LYZL6: variants seen among roughly 807,000 people sequenced by gnomAD.
LYZL6 encodes lysozyme-like protein 6.
In LYZL6, 21 loss-of-function variants were observed where a neutral mutation model predicts 15.0. That is an observed-to-expected ratio of 1.40 (90% CI 1.00 to 2.02). The LOEUF (loss-of-function observed/expected upper bound fraction) is 2.02, where lower values mean the gene tolerates loss of function less well. LYZL6 is among the 30% of genes most tolerant of loss of function. The pLI, the probability that LYZL6 is intolerant of heterozygous loss-of-function variation, is 0.00. For synonymous variants in LYZL6, 72 were observed against 67.8 expected (o/e 1.06, Z -0.31); for missense variants, 173 against 180.5 (o/e 0.96, Z 0.24).
intron 4 of LYZL6, among the ~76,000 whole-genome samples, chr17:35,935,901 C>T (rs1408574545): frequency 6.6e-6 from 1 of 151,128 alleles, no homozygotes; most frequent in Non-Finnish European, 1.5e-5. Context: ...GCAGCCTCCA[C>T]CTCCCAGGTT....
At chr17:35,937,203 G>A (rs867088662) in intron 3 of LYZL6, among the ~76,000 whole-genome samples, 1 of 152,196 alleles carries the variant, frequency 6.6e-6, no homozygotes, top group Non-Finnish European at 1.5e-5. Flanking sequence ...GAGGGACATC[G>A]GTCAGTGTGC....
intron 3 of LYZL6, 133 bp from the exon 4 acceptor site, chr17:35,936,966 G>A (rs1250543830): frequency 4.1e-6 from 3 of 729,818 alleles, no homozygotes; most frequent in Non-Finnish European, 7.0e-6. Context: ...TCTCCCAGGG[G>A]GCCCATTTAG....
At chr17:35,934,947 A>G in intron 4 of LYZL6, 82 bp from the exon 5 acceptor site, 1 of 1,323,944 alleles carries the variant, frequency 7.6e-7, no homozygotes, top group Non-Finnish European at 1.1e-6. Context: ...TGAGTCTCGC[A>G]TATGGAGCAA....
chr17:35,943,445 T>C (rs1038367616), intron 1 of LYZL6, 122 bp downstream of exon 1: 1 of 152,210 alleles, frequency 6.6e-6, no homozygotes, highest in East Asian at 1.9e-4. Flanking sequence ...CCCTCAGAGA[T>C]AGATGTCACT....
At position 35,936,735 on chromosome 17, in the gene LYZL6, T is replaced by C; in HGVS notation, c.377+20A>G. ...CCTTCGTGGGGCTCTGCCCGCTGAGTCCCACCGTGTCCTCCTCACCAGTTG... is the reference window on the plus strand; with the variant it reads ...CCTTCGTGGGGCTCTGCCCGCTGAGCCCCACCGTGTCCTCCTCACCAGTTG... On this transcript the variant is annotated intron_variant, in intron 4 of 4. Coordinates refer to ENST00000615905, the MANE Select transcript of LYZL6 (RefSeq NM_020426.4). The C allele has an allele frequency of 6.2e-7, 1 of 1,607,764 alleles. No individual in the cohort carries two copies. The highest frequency in any genetic ancestry group is 1.1e-5 in the South Asian group (1 of 90,964).
At chr17:35,936,906 C>T in intron 3 of LYZL6, 73 bp from the exon 4 acceptor site, 1 of 1,316,400 alleles carries the variant, frequency 7.6e-7, no homozygotes, top group Non-Finnish European at 1.1e-6. Flanking sequence ...CACCAGCCCT[C>T]CCTGGACAGC....
At chr17:35,942,003 A>G (rs1406899859) in intron 1 of LYZL6, among the ~76,000 whole-genome samples, 2 of 152,242 alleles carry the variant, frequency 1.3e-5, no homozygotes, top group African/African-American at 4.8e-5. Flanking sequence ...ACAGAGGGAC[A>G]TTGTGTGCCT....
chr17:35,938,890 C>T (rs1407512536), intron 2 of LYZL6, among the ~76,000 whole-genome samples: 1 of 152,172 alleles, frequency 6.6e-6, no homozygotes, highest in Admixed American at 6.5e-5. Context: ...ACCATTGCTC[C>T]CCCTGCTTTA....
At chr17:35,942,470 T>C (rs1415108745) in intron 1 of LYZL6, among the ~76,000 whole-genome samples, 1 of 152,168 alleles carries the variant, frequency 6.6e-6, no homozygotes, top group Non-Finnish European at 1.5e-5. Context: ...ACAAGATGGC[T>C]ACCCTGGTGG....
intron 1 of LYZL6, among the ~76,000 whole-genome samples, chr17:35,940,298 T>G (rs959046077): frequency 5.3e-5 from 8 of 152,248 alleles, no homozygotes; most frequent in Non-Finnish European, 1.0e-4. Flanking sequence ...TGGTTCACAT[T>G]CCACACAAAA....
At chr17:35,939,192 G>T (rs2089403649) in intron 2 of LYZL6, 26 bp downstream of exon 2, 1 of 1,605,910 alleles carries the variant, frequency 6.2e-7, no homozygotes, top group Non-Finnish European at 8.5e-7. Flanking sequence ...AGGAGAAATG[G>T]CTGGGGAGGG....
intron 4 of LYZL6, among the ~76,000 whole-genome samples, chr17:35,936,012 A>T (rs1461340650): frequency 6.6e-6 from 1 of 151,226 alleles, no homozygotes; most frequent in Non-Finnish European, 1.5e-5. Context: ...ACGGGGCTTC[A>T]CCATGTTGAC....
intron 3 of LYZL6, among the ~76,000 whole-genome samples, chr17:35,937,074 C>T (rs1306854006): frequency 6.6e-6 from 1 of 152,228 alleles, no homozygotes; most frequent in Admixed American, 6.5e-5. Context: ...ACTATTCTTC[C>T]TAACCAGGGT....
At chr17:35,940,487 G>A (rs530741942) in intron 1 of LYZL6, among the ~76,000 whole-genome samples, 50 of 152,290 alleles carry the variant, frequency 3.3e-4, no homozygotes, top group African/African-American at 1.1e-3. Context: ...GATCTGAAAC[G>A]ATGTTTTTTG....
In LYZL6 at chr17:35,935,800, C is replaced by T. The variant is rs910361769; in HGVS notation, c.378-935G>A. Among the ~76,000 whole-genome samples, 28 of 151,398 alleles carry T rather than the reference C, an allele frequency of 1.8e-4. 1 individual carries two copies. Among genetic ancestry groups the T allele is most frequent in the African/African-American group, 6.1e-4 (25 of 41,206 alleles). On this transcript the variant is annotated intron_variant, in intron 4 of 4. Transcript: ENST00000615905. ...GGGCTGGGATTACAGGAGTGAGCCA[C>T]TGCGCCCAGCCGCCACATTTTTTTT...
intron 4 of LYZL6, among the ~76,000 whole-genome samples, chr17:35,935,608 AG>A (rs1184289023): frequency 6.6e-6 from 1 of 151,984 alleles, no homozygotes; most frequent in Non-Finnish European, 1.5e-5. Context: ...CCCGGCCCAC[AG>A]GGTCAGTGCC....
chr17:35,940,299 C>G (rs1195687157), intron 1 of LYZL6, among the ~76,000 whole-genome samples: 1 of 152,062 alleles, frequency 6.6e-6, no homozygotes, highest in Non-Finnish European at 1.5e-5. Context: ...GGTTCACATT[C>G]CACACAAAAG....
chr17:35,935,698 G>C (rs1007134488), intron 4 of LYZL6, among the ~76,000 whole-genome samples: 1 of 152,152 alleles, frequency 6.6e-6, no homozygotes, highest in Non-Finnish European at 1.5e-5. Context: ...TTTTTTAGTA[G>C]AGACAAAGTT....
At chr17:35,934,959 GC>G (rs1477114598) in intron 4 of LYZL6, 94 bp from the exon 5 acceptor site, 1 of 1,165,528 alleles carries the variant, frequency 8.6e-7, no homozygotes, top group Non-Finnish European at 1.3e-6. Flanking sequence ...ATGGAGCAAC[GC>G]CCAGAATCCC....
Sources: allele counts gnomAD v4.1 joint callset (sites outside exome capture counted in the v4.1 genomes callset), GRCh38; gene constraint gnomAD v4.1.1; transcripts MANE v1.5; gene names NCBI Gene and HGNC (gene_info 2026-07-23, HGNC 2026-07-21).